Variants in CDH4 observed in about 807,000 individuals in gnomAD.
CDH4 encodes the protein cadherin 4, also known as cadherin-4.
Under a neutral mutation model 86.0 loss-of-function variants are expected in CDH4, and 33 were observed. The observed-to-expected ratio is 0.38, with a 90% CI of 0.29 to 0.51. The LOEUF is 0.51. Among genes scored for constraint, CDH4 ranks in the 20% least tolerant of loss-of-function variants. The pLI is 0.86. For synonymous variants in CDH4, 555 were observed against 549.4 expected, an observed-to-expected ratio of 1.01 and a Z score of -0.14; for missense variants, 1,114 against 1,307.4, an observed-to-expected ratio of 0.85 and a Z score of 2.28.
At chr20:61,660,993 A>T (rs7263445) in intron 2 of CDH4, among the ~76,000 whole-genome samples, 3,032 of 150,448 alleles carry the variant, frequency 0.02, 106 homozygotes, top group African/African-American at 0.07. Flanking sequence ...TGCTACTAAG[A>T]GCAGATTCTA....
At chr20:61,485,856 C>T (rs1041655349) in intron 2 of CDH4, among the ~76,000 whole-genome samples, 2 of 152,186 alleles carry the variant, frequency 1.3e-5, no homozygotes, top group African/African-American at 4.8e-5. Context: ...CACTGAATTG[C>T]TTCATTCACA....
At chr20:61,529,831 A>T (rs1249866237) in intron 2 of CDH4, among the ~76,000 whole-genome samples, 9 of 151,750 alleles carry the variant, frequency 5.9e-5, no homozygotes, top group Admixed American at 5.9e-4. Context: ...CATCAGTGTA[A>T]TTTTTCTTTT....
At chr20:61,656,248 C>CAT (rs2087186544) in intron 2 of CDH4, among the ~76,000 whole-genome samples, 17 of 133,228 alleles carry the variant, frequency 1.3e-4, no homozygotes, top group Admixed American at 1.2e-3. Context: ...TGGGCAGGCG[C>CAT]GTGCTGGGGT....
chr20:61,630,595 TCC>T (rs1325387860), intron 2 of CDH4, among the ~76,000 whole-genome samples: 10 of 152,208 alleles, frequency 6.6e-5, no homozygotes, highest in Non-Finnish European at 5.9e-5. Flanking sequence ...AGCGCCTTCC[TCC>T]TCCTCTTGGG....
At chr20:61,569,329 G>A (rs1305993730) in intron 2 of CDH4, among the ~76,000 whole-genome samples, 1 of 152,132 alleles carries the variant, frequency 6.6e-6, no homozygotes, top group East Asian at 1.9e-4. Flanking sequence ...CTCTTATTTG[G>A]AGATAATTGT....
intron 2 of CDH4, among the ~76,000 whole-genome samples, chr20:61,335,040 G>A (rs1025003506): frequency 6.6e-6 from 1 of 152,214 alleles, no homozygotes; most frequent in South Asian, 2.1e-4. Flanking sequence ...CGGCTGAGGA[G>A]CCAATGAGAT....
chr20:61,919,002 C>A (rs1026995864), intron 9 of CDH4, among the ~76,000 whole-genome samples: 8 of 152,180 alleles, frequency 5.3e-5, no homozygotes, highest in African/African-American at 1.9e-4. Context: ...TCCTGGGTAG[C>A]TGGGACTACA....
At chr20:61,270,036 A>T (rs1311393536) in intron 2 of CDH4, among the ~76,000 whole-genome samples, 1 of 152,202 alleles carries the variant, frequency 6.6e-6, no homozygotes, top group African/African-American at 2.4e-5. Flanking sequence ...TTGTTTAGAT[A>T]CTTTCTCCCC....
intron 2 of CDH4, among the ~76,000 whole-genome samples, chr20:61,311,048 G>A (rs575900683): frequency 1.3e-5 from 2 of 152,306 alleles, no homozygotes; most frequent in African/African-American, 2.4e-5. Flanking sequence ...CAGTGGAGGC[G>A]GGTGGTGTCC....
At chr20:61,443,068 G>A (rs1195503337) in intron 2 of CDH4, among the ~76,000 whole-genome samples, 1 of 152,166 alleles carries the variant, frequency 6.6e-6, no homozygotes, top group Non-Finnish European at 1.5e-5. Flanking sequence ...ATTGAGAACC[G>A]CTGCCTAGGA....
At chr20:61,531,403 G>A (rs905164983) in intron 2 of CDH4, among the ~76,000 whole-genome samples, 1 of 150,048 alleles carries the variant, frequency 6.7e-6, no homozygotes, top group African/African-American at 2.5e-5. Context: ...AACCTGGGAG[G>A]CAGAGGTTGC....
At chr20:61,591,546 G>A (rs2086519409) in intron 2 of CDH4, among the ~76,000 whole-genome samples, 2 of 152,116 alleles carry the variant, frequency 1.3e-5, no homozygotes, top group South Asian at 2.1e-4. Context: ...GATGGGAAGG[G>A]AGGGTCATTT....
Position 61,773,012 on chromosome 20 carries a change from G to A in CDH4, c.406G>A (p.Gly136Arg). The change falls in exon 4 of 16, where the codon GGA (glycine) becomes AGA (arginine). Residue 136 changes from glycine (G) to arginine (R), a missense_variant. Physicochemically the swap from Gly to Arg is moderately radical, Grantham distance 125. Transcript: ENST00000614565. ...SPHSGHKPQKGKKVVALDPSP... is the reference protein window; with the variant it reads ...SPHSGHKPQKRKKVVALDPSP... ...CCCTTTCCAAATAAAGCCGCAGAAAGGAAAGAAGGTCGTGGCTCTGGACCC... is the reference window on the plus strand; with the variant it reads ...CCCTTTCCAAATAAAGCCGCAGAAAAGAAAGAAGGTCGTGGCTCTGGACCC... 6.2e-7 allele frequency: 1 copy of A among 1,609,120 alleles called. No homozygotes were observed. The highest frequency in any genetic ancestry group is 1.3e-5 in the African/African-American group (1 of 74,922).
intron 2 of CDH4, chr20:61,717,889 G>A (rs938922925): frequency 6.6e-6 from 1 of 152,298 alleles, no homozygotes; most frequent in African/African-American, 2.4e-5. Flanking sequence ...TAGTGGAAGG[G>A]ACTGACATGG....
chr20:61,784,824 C>T (rs898688603), intron 4 of CDH4, among the ~76,000 whole-genome samples: 7 of 152,192 alleles, frequency 4.6e-5, no homozygotes, highest in African/African-American at 1.7e-4. Flanking sequence ...CCTCATCAGA[C>T]ATTAAGCATG....
At position 61,622,528 on chromosome 20, in the gene CDH4, G is replaced by A. The variant is rs77746054; in HGVS notation, c.170-121035G>A. ...GTGGCCCATGCCAAAGAGTCTGACA[G>A]GGAGACAGAGGGTCCTAAAGCTGCC... On this transcript the variant is annotated intron_variant, in intron 2 of 15. Coordinates refer to ENST00000614565, the MANE Select transcript of CDH4 (RefSeq NM_001794.5). 4.5e-4 allele frequency among the ~76,000 whole-genome samples: 69 copies of A among 152,394 alleles called. No individual in the cohort carries two copies. The East Asian group carries it at 0.012, about 27-fold the overall frequency.
Position 61,302,768 on chromosome 20 carries a change from T to C in CDH4, c.169+47831T>C, listed in dbSNP as rs1027008485. ...TCTCTCCACCTCTGAATGTCTCACCTTGCCCCGCAGAAGGGACTCTGCAGA... is the reference window on the plus strand; with the variant it reads ...TCTCTCCACCTCTGAATGTCTCACCCTGCCCCGCAGAAGGGACTCTGCAGA... On this transcript the variant is annotated intron_variant, in intron 2 of 15. Transcript: ENST00000614565. 4.6e-5 allele frequency among the ~76,000 whole-genome samples: 7 copies of C among 152,166 alleles called. No individual in the cohort carries two copies. In the East Asian group the frequency reaches 1.3e-3, roughly 29 times the overall value.
intron 4 of CDH4, among the ~76,000 whole-genome samples, chr20:61,774,878 G>A (rs1236752622): frequency 6.6e-6 from 1 of 152,172 alleles, no homozygotes; most frequent in African/African-American, 2.4e-5. Flanking sequence ...TGGCTGCATA[G>A]TATTCCATGG....
intron 2 of CDH4, among the ~76,000 whole-genome samples, chr20:61,560,753 G>A (rs2086210749): frequency 6.6e-6 from 1 of 152,236 alleles, no homozygotes; most frequent in South Asian, 2.1e-4. Context: ...CGCCATGAAG[G>A]CAGTGCCCCA....
Sources: allele counts gnomAD v4.1 joint callset (sites outside exome capture counted in the v4.1 genomes callset), GRCh38; gene constraint gnomAD v4.1.1; transcripts MANE v1.5; gene names NCBI Gene and HGNC (gene_info 2026-07-23, HGNC 2026-07-21).